TTL: variants seen among roughly 807,000 people sequenced by gnomAD.
TTL encodes the protein tubulin--tyrosine ligase.
In TTL, 10 loss-of-function variants were observed where a neutral mutation model predicts 41.1. That is an observed-to-expected ratio of 0.24 (90% confidence interval 0.15 to 0.41). The LOEUF (loss-of-function observed/expected upper bound fraction) is 0.41, where lower values mean the gene tolerates loss of function less well. Among genes scored for constraint, TTL ranks in the 10% least tolerant of loss-of-function variants. TTL has a pLI of 1.00. For missense variants in TTL, 367 were observed against 460.4 expected (o/e 0.80, Z 1.86); for synonymous variants, 175 against 175.5 (o/e 1.00, Z 0.02).
chr2:112,490,297 A>G (rs535446585), intron 2 of TTL, among the ~76,000 whole-genome samples: 1 of 152,242 alleles, frequency 6.6e-6, no homozygotes, highest in African/African-American at 2.4e-5. Flanking sequence ...GTGCGCCTGT[A>G]ATCCCAGCTA....
intron 3 of TTL, among the ~76,000 whole-genome samples, chr2:112,497,529 T>A (rs1374302593): frequency 6.6e-6 from 1 of 152,196 alleles, no homozygotes; most frequent in African/African-American, 2.4e-5. Flanking sequence ...AAACGATACA[T>A]AAAATTCAAA....
At position 112,536,102 on chromosome 2, in the gene TTL, AC is replaced by A. The variant is rs1410220281; in HGVS notation, c.*7308del. On this transcript the variant is annotated 3_prime_UTR_variant, in exon 7 of 7. Transcript: ENST00000233336. Reference sequence around the variant, plus strand: ...ACAGGATCTCACTCTTTATGGCTGAACAGTACTCCATTGTGTATAAGCAATA... The same window carrying A: ...ACAGGATCTCACTCTTTATGGCTGAAAGTACTCCATTGTGTATAAGCAATA... The A allele has an allele frequency of 1.3e-5, 2 of 152,208 alleles. No individual in the cohort carries two copies. The highest frequency in any genetic ancestry group is 2.4e-5 in the African/African-American group (1 of 41,450). The allele number at this position is 152,208 out of a possible 1,614,324, so 9.4% of individuals were successfully genotyped here.
chr2:112,503,238 C>G (rs1681748306), intron 5 of TTL, 57 bp downstream of exon 5: 1 of 1,414,154 alleles, frequency 7.1e-7, no homozygotes, highest in Non-Finnish European at 9.4e-7. Context: ...GCTTTGGCGT[C>G]TATGCCTTTC....
Position 112,521,811 on chromosome 2 carries a change from A to G in TTL, c.1019+1386A>G, listed in dbSNP as rs77013795. ...ATTACAAGCGAGGACAAGTGCTTCA[A>G]TGGAGAACAAAGGATGTTGAAAGGT... On this transcript the variant is annotated intron_variant, in intron 6 of 6. Coordinates refer to ENST00000233336, the MANE Select transcript of TTL (RefSeq NM_153712.5). 2.6e-4 allele frequency among the ~76,000 whole-genome samples: 39 copies of G among 152,344 alleles called. No homozygotes were observed. In the East Asian group the frequency reaches 6.9e-3, roughly 27 times the overall value.
rs1452135634 is a variant in TTL, at chr2:112,530,573, G to A, written c.*1778G>A. On this transcript the variant is annotated 3_prime_UTR_variant, in exon 7 of 7. Transcript: ENST00000233336. ...GGGAAGATGTATACCCAGTTAGAAC[G>A]TGTAGGGTTCTGGGTCCCTGGCAAG... The A allele has an allele frequency of 8.8e-6, 2 of 228,212 alleles. No homozygotes were observed. Among genetic ancestry groups the A allele is most frequent in the Non-Finnish European group, 1.7e-5 (2 of 114,908 alleles). 14.1% of individuals were successfully genotyped at this position (228,212 alleles called of 1,614,324 possible).
chr2:112,510,727 G>C (rs902454597), intron 5 of TTL, among the ~76,000 whole-genome samples: 1 of 152,154 alleles, frequency 6.6e-6, no homozygotes, highest in African/African-American at 2.4e-5. Context: ...GCATGTCTCA[G>C]TTTCCCTTTA....
At chr2:112,514,228 CA>C (rs1269891308) in intron 5 of TTL, among the ~76,000 whole-genome samples, 1 of 151,922 alleles carries the variant, frequency 6.6e-6, no homozygotes, top group Non-Finnish European at 1.5e-5. Flanking sequence ...CCAAAATATG[CA>C]AAATTAGCTG....
rs566283683 is a variant in TTL, at chr2:112,532,623, A to T, written c.*3828A>T. The stretch of plus-strand genomic sequence containing the variant: ...AGAGCAAGACCCTGTCTCAAAAGTA[A>T]ATAAATAATAAAGTAAATATAAATC... On this transcript the variant is annotated 3_prime_UTR_variant, in exon 7 of 7. Transcript: ENST00000233336. The T allele has an allele frequency of 1.1e-5, 2 of 185,110 alleles. No homozygotes were observed. The highest frequency in any genetic ancestry group is 3.9e-4 in the South Asian group (2 of 5,100). 11.5% of individuals were successfully genotyped at this position (185,110 alleles called of 1,614,324 possible).
intron 5 of TTL, among the ~76,000 whole-genome samples, chr2:112,518,770 G>A (rs1322434320): frequency 1.3e-5 from 2 of 151,068 alleles, no homozygotes; most frequent in Non-Finnish European, 2.9e-5. Context: ...TGCCCCCTGT[G>A]TTCAAGCGAT....
rs765556641 is a variant in TTL at position 112,520,437 on chromosome 2, C to T, written c.1019+12C>T. 17 of 1,610,872 alleles carry T rather than the reference C, an allele frequency of 1.1e-5. No homozygotes were observed. The highest frequency in any genetic ancestry group is 1.8e-4 in the Middle Eastern group (1 of 5,442). ...CCTGCATGTGCTCAGTAAGCCTGCA[C>T]GTCATTGTGTTTTTACAAGTGGGAA... On this transcript the variant is annotated intron_variant, in intron 6 of 6. Coordinates refer to ENST00000233336, the MANE Select transcript of TTL (RefSeq NM_153712.5).
chr2:112,499,178 G>A (rs1266025576), intron 3 of TTL, among the ~76,000 whole-genome samples: 6 of 152,142 alleles, frequency 3.9e-5, no homozygotes, highest in Non-Finnish European at 2.9e-5. Context: ...AGCCAGGTGT[G>A]GTGGCGCATG....
rs1403809443 is a variant in TTL at position 112,534,463 on chromosome 2, C to T, written c.*5668C>T. 1.3e-5 allele frequency: 2 copies of T among 152,824 alleles called. No homozygotes were observed. Among genetic ancestry groups the T allele is most frequent in the African/African-American group, 4.8e-5 (2 of 41,436 alleles). The allele number at this position is 152,824 out of a possible 1,614,324, so 9.5% of individuals were successfully genotyped here. On this transcript the variant is annotated 3_prime_UTR_variant, in exon 7 of 7. Transcript: ENST00000233336. ...TCGGCCACACAATCATGCTGACATC[C>T]AGCAGCAGAGCAGCCACCGTAGGGC...
intron 6 of TTL, among the ~76,000 whole-genome samples, chr2:112,523,350 C>CTGTGTGTGTGTGTGTGTGTGTG: frequency 6.7e-6 from 1 of 149,858 alleles, no homozygotes; most frequent in South Asian, 2.1e-4. Flanking sequence ...GTGTGTGTGT[C>CTGTGTGTGTGTGTGTGTGTGTG]TGTGTGTGTG....
chr2:112,495,249 C>T (rs528695142), intron 3 of TTL, among the ~76,000 whole-genome samples: 2 of 152,266 alleles, frequency 1.3e-5, no homozygotes, highest in African/African-American at 2.4e-5. Context: ...AAAATAGCCT[C>T]CGTGTCCATT....
At chr2:112,495,282 C>T (rs1681496152) in intron 3 of TTL, among the ~76,000 whole-genome samples, 1 of 152,172 alleles carries the variant, frequency 6.6e-6, no homozygotes. Context: ...TTTCCCCTGC[C>T]TCATTTACCT....
intron 5 of TTL, 25 bp from the exon 6 acceptor site, chr2:112,520,257 G>A: frequency 6.2e-7 from 1 of 1,611,210 alleles, no homozygotes; most frequent in East Asian, 2.2e-5. Context: ...CCGTTCTAAT[G>A]AGCATTTCCC....
intron 2 of TTL, among the ~76,000 whole-genome samples, chr2:112,487,804 G>T (rs1423531551): frequency 6.6e-6 from 1 of 152,214 alleles, no homozygotes; most frequent in Non-Finnish European, 1.5e-5. Context: ...CAGTTGTCCT[G>T]TGAGGGGCTT....
At position 112,523,381 on chromosome 2, in the gene TTL, CCTT is replaced by C. The variant is rs1408181165; in HGVS notation, c.1019+2963_1019+2965del. On this transcript the variant is annotated intron_variant, in intron 6 of 6. Transcript: ENST00000233336. The stretch of plus-strand genomic sequence containing the variant: ...GTGTGTGTGTGTGTGTGTATCCGCC[CCTT>C]CTTCTTTATTTCTACCCTGTCATCC... Among the ~76,000 whole-genome samples, 6 of 137,028 alleles carry C rather than the reference CCTT, an allele frequency of 4.4e-5. No individual in the cohort carries two copies. In the East Asian group the frequency reaches 6.0e-4, roughly 14 times the overall value. The allele number at this position is 137,028 out of a possible 152,430, so 89.9% of individuals were successfully genotyped here. A position where few individuals can be genotyped will look rare whatever the true frequency, so the allele number is the denominator to read the frequency against.
chr2:112,522,853 C>T (rs1682277822), intron 6 of TTL, among the ~76,000 whole-genome samples: 1 of 152,208 alleles, frequency 6.6e-6, no homozygotes, highest in South Asian at 2.1e-4. Context: ...TGCACTGTCA[C>T]CCCTGCACAG....
Sources: gnomAD v4.1 joint callset for allele counts (sites outside exome capture counted in the v4.1 genomes callset) on GRCh38, gnomAD v4.1.1 for gene constraint, MANE v1.5 for transcripts, NCBI Gene and HGNC (gene_info 2026-07-23, HGNC 2026-07-21) for gene names.